Variants in LAMC2 observed in about 807,000 individuals in gnomAD.
LAMC2 encodes the protein laminin subunit gamma-2.
Under a neutral mutation model 140.2 loss-of-function variants are expected in LAMC2, and 97 were observed. The observed-to-expected ratio is 0.69, with a 90% CI of 0.59 to 0.82. The LOEUF is 0.82. LAMC2 is among the 40% of genes least tolerant of loss of function. The probability of loss-of-function intolerance (pLI) is 0.00; values close to 1 mark genes in which losing one functional copy is unlikely to be tolerated. For missense variants in LAMC2, 1,402 were observed against 1,476.1 expected (o/e 0.95, Z 0.82); for synonymous variants, 513 against 540.2 (o/e 0.95, Z 0.70).
chr1:183,238,089 C>T (rs984009391), intron 18 of LAMC2, among the ~76,000 whole-genome samples: 2 of 152,064 alleles, frequency 1.3e-5, no homozygotes, highest in African/African-American at 2.4e-5. Flanking sequence ...TTTATAAAAC[C>T]GTTCCTGTCC....
chr1:183,201,009 A>G (rs1008842949), intron 1 of LAMC2, among the ~76,000 whole-genome samples: 1 of 152,248 alleles, frequency 6.6e-6, no homozygotes, highest in African/African-American at 2.4e-5. Flanking sequence ...ACTCCGTTTC[A>G]GATGGGTTTA....
intron 8 of LAMC2, 126 bp downstream of exon 8, chr1:183,225,846 C>G: frequency 1.5e-6 from 1 of 669,470 alleles, no homozygotes; most frequent in Non-Finnish European, 2.7e-6. Context: ...CTTAGAATCA[C>G]TGATTCAATC....
At position 183,224,376 on chromosome 1, in the gene LAMC2, G is replaced by A. The variant is rs568999982; in HGVS notation, c.953+1052G>A. ...GGACCCATCATGTTGGGCCTTGTGT[G>A]TCATGTCAAGGAGCTTAGATCTTGT... On this transcript the variant is annotated intron_variant, in intron 7 of 22. Transcript: ENST00000264144. 1.8e-4 allele frequency among the ~76,000 whole-genome samples: 27 copies of A among 152,342 alleles called. No homozygotes were observed. In the East Asian group the frequency reaches 4.8e-3, roughly 27 times the overall value.
At chr1:183,239,029 A>G (rs1413795151) in intron 19 of LAMC2, among the ~76,000 whole-genome samples, 1 of 152,156 alleles carries the variant, frequency 6.6e-6, no homozygotes, top group African/African-American at 2.4e-5. Context: ...CCTAACCCCA[A>G]TTCTTATCAT....
At chr1:183,226,506 C>G (rs1659629878) in intron 8 of LAMC2, among the ~76,000 whole-genome samples, 192 bp from the exon 9 acceptor site, 1 of 152,164 alleles carries the variant, frequency 6.6e-6, no homozygotes, top group African/African-American at 2.4e-5. Flanking sequence ...AATTTAAGCC[C>G]TGGGTTTTCT....
In LAMC2 at chr1:183,228,003, C is replaced by T. The variant is rs1043580751; in HGVS notation, c.1468+306C>T. On this transcript the variant is annotated intron_variant, in intron 10 of 22. Coordinates refer to ENST00000264144, the MANE Select transcript of LAMC2 (RefSeq NM_005562.3). The surrounding 1 kb of genome is among the most constrained non-coding windows in gnomAD (Gnocchi z 4.3). ...TTTGTTTCTTAATGAACTAAGATAA[C>T]GAGGGAAAACTTAGTGACTTCTTAA... Among the ~76,000 whole-genome samples the T allele has an allele frequency of 1.3e-5, 2 of 152,180 alleles. No individual in the cohort carries two copies. The highest frequency in any genetic ancestry group is 1.9e-4 in the East Asian group (1 of 5,192).
intron 1 of LAMC2, among the ~76,000 whole-genome samples, chr1:183,207,003 C>G (rs1658906308): frequency 1.3e-5 from 2 of 152,162 alleles, no homozygotes; most frequent in African/African-American, 2.4e-5. Context: ...TATTCTTTTC[C>G]CAGAGGGATC....
At chr1:183,241,536 C>T (rs1160350906) in intron 22 of LAMC2, among the ~76,000 whole-genome samples, 2 of 152,172 alleles carry the variant, frequency 1.3e-5, no homozygotes, top group African/African-American at 4.8e-5. Flanking sequence ...CTCATTTGGT[C>T]TGTTTTATCA....
chr1:183,186,561 C>T, intron 1 of LAMC2, 130 bp downstream of exon 1: 2 of 959,234 alleles, frequency 2.1e-6, no homozygotes, highest in Non-Finnish European at 3.1e-6. Flanking sequence ...GCTCCCTTCT[C>T]CTCCCCTATC....
At chr1:183,221,248 C>T (rs922202254) in intron 5 of LAMC2, among the ~76,000 whole-genome samples, 5 of 152,154 alleles carry the variant, frequency 3.3e-5, no homozygotes, top group Admixed American at 1.3e-4. Flanking sequence ...TTCAAAACCA[C>T]GAAGGAATCA....
At chr1:183,237,265 T>C (rs1659992969) in intron 17 of LAMC2, 87 bp from the exon 18 acceptor site, 2 of 1,486,104 alleles carry the variant, frequency 1.3e-6, no homozygotes, top group Non-Finnish European at 1.9e-6. Context: ...CTGTTGCTAT[T>C]TTCAAACAAT....
chr1:183,200,423 T>C (rs1268274834), intron 1 of LAMC2, among the ~76,000 whole-genome samples: 1 of 152,052 alleles, frequency 6.6e-6, no homozygotes, highest in African/African-American at 2.4e-5. Context: ...GAGGACCTGC[T>C]TATAGAAACA....
intron 2 of LAMC2, among the ~76,000 whole-genome samples, chr1:183,209,636 ATTGCC>A (rs1208413288): frequency 2.6e-5 from 4 of 152,182 alleles, no homozygotes; most frequent in Non-Finnish European, 5.9e-5. Flanking sequence ...AAGAGCTCCT[ATTGCC>A]TTAGGTCATG....
Position 183,220,962 on chromosome 1 carries a change from G to A in LAMC2, c.640+1G>A, listed in dbSNP as rs1183519794. On this transcript the variant is annotated splice_donor_variant, in intron 5 of 22. Coordinates refer to ENST00000264144, the MANE Select transcript of LAMC2 (RefSeq NM_005562.3). LOFTEE classifies it high-confidence loss of function. ...AAGATCACCTCTACCTTTCATCAAGGTAAAGCCTTCTATTTTCTAGGTTTT... is the reference window on the plus strand; with the variant it reads ...AAGATCACCTCTACCTTTCATCAAGATAAAGCCTTCTATTTTCTAGGTTTT... The A allele has an allele frequency of 2.5e-6, 4 of 1,614,092 alleles. No homozygotes were observed.
downstream of LAMC2, among the ~76,000 whole-genome samples, chr1:183,246,106 C>T (rs1286612746): frequency 6.7e-6 from 1 of 148,464 alleles, no homozygotes; most frequent in Non-Finnish European, 1.5e-5. Flanking sequence ...GGAGGTGGAG[C>T]TTGCAGTGAG....
chr1:183,246,161 C>T (rs1046954463), downstream of LAMC2, among the ~76,000 whole-genome samples: 1 of 141,448 alleles, frequency 7.1e-6, no homozygotes, highest in Non-Finnish European at 1.5e-5. Context: ...CAGAGCAAGA[C>T]TCCGTCTCAA....
rs769384932 is a variant in LAMC2, at chr1:183,186,391, G to C, written c.39G>C (p.Ser13=). The change falls in exon 1 of 23, where the codon TCG becomes TCC. Residue 13 remains serine (S), a synonymous_variant. Transcript: ENST00000264144. Reference sequence around the variant, plus strand: ...GGCTGGGCTGCTGCCTCTGCTTCTCGCTCCTCCTGCCCGCAGCCCGGGCCA... The same window carrying C: ...GGCTGGGCTGCTGCCTCTGCTTCTCCCTCCTCCTGCCCGCAGCCCGGGCCA... The part of the protein sequence containing the change: ...ALWLGCCLCF[S]LLLPAARATS... 1.2e-6 allele frequency: 2 copies of C among 1,605,624 alleles called. No individual in the cohort carries two copies. Among genetic ancestry groups the C allele is most frequent in the Non-Finnish European group, 1.7e-6 (2 of 1,179,626 alleles).
downstream of LAMC2, among the ~76,000 whole-genome samples, chr1:183,247,253 A>C (rs1660258839): frequency 6.6e-6 from 1 of 152,226 alleles, no homozygotes; most frequent in African/African-American, 2.4e-5. Flanking sequence ...CTGATGTTGC[A>C]GTGAACCGAG....
chr1:183,246,773 A>G (rs1660250944), downstream of LAMC2, among the ~76,000 whole-genome samples: 1 of 152,196 alleles, frequency 6.6e-6, no homozygotes, highest in African/African-American at 2.4e-5. Context: ...AATGTTTTGC[A>G]TGGTAATGGG....
Sources: allele counts gnomAD v4.1 joint callset (sites outside exome capture counted in the v4.1 genomes callset), GRCh38; gene constraint gnomAD v4.1.1; non-coding constraint Gnocchi (gnomAD v3.1); transcripts MANE v1.5; gene names NCBI Gene and HGNC (gene_info 2026-07-23, HGNC 2026-07-21).